CNTN4: variants seen among roughly 807,000 people sequenced by gnomAD.
CNTN4 encodes the protein contactin-4.
CNTN4 carries 77 observed loss-of-function variants against 122.5 expected under a neutral mutation model. That is an observed-to-expected ratio of 0.63 (90% CI 0.52 to 0.76). CNTN4 has a LOEUF of 0.76. Ranked by LOEUF, CNTN4 falls within the 30% of genes least tolerant of loss-of-function variation. CNTN4 has a pLI of 0.00. For missense variants in CNTN4, 1,256 were observed against 1,259.1 expected (o/e 1.00, Z 0.04); for synonymous variants, 512 against 447.0 (o/e 1.15, Z -1.83).
intron 4 of CNTN4, among the ~76,000 whole-genome samples, chr3:2,632,952 T>G (rs2082507750): frequency 6.7e-6 from 1 of 149,590 alleles, no homozygotes; most frequent in Admixed American, 6.7e-5. Flanking sequence ...AAATTACAAG[T>G]AATAGTATAT....
chr3:2,568,463 C>G (rs2079280061), intron 3 of CNTN4, among the ~76,000 whole-genome samples: 1 of 151,982 alleles, frequency 6.6e-6, no homozygotes, highest in Admixed American at 6.6e-5. Context: ...GGCAGGATCT[C>G]AAAATGAGTG....
At chr3:2,772,560 G>C (rs1462520021) in intron 6 of CNTN4, among the ~76,000 whole-genome samples, 2 of 152,132 alleles carry the variant, frequency 1.3e-5, no homozygotes, top group African/African-American at 4.8e-5. Flanking sequence ...GACATACCAA[G>C]TTGTGTGATT....
Position 2,385,413 on chromosome 3 carries a change from G to A in CNTN4, c.-89+46180G>A, listed in dbSNP as rs778339407. On this transcript the variant is annotated intron_variant, in intron 3 of 24. Transcript: ENST00000418658. The surrounding 1 kb of genome is among the most constrained non-coding windows in gnomAD (Gnocchi z 4.0). Reference sequence around the variant, plus strand: ...TGTCCTTTTCTCCACTATTACCTGAGCAATATTCCTGGTGTCTTGTTCATA... The same window carrying A: ...TGTCCTTTTCTCCACTATTACCTGAACAATATTCCTGGTGTCTTGTTCATA... Among the ~76,000 whole-genome samples, 33 of 151,984 alleles carry A rather than the reference G, an allele frequency of 2.2e-4. No individual in the cohort carries two copies. Among genetic ancestry groups the A allele is most frequent in the Non-Finnish European group, 3.5e-4 (24 of 68,016 alleles).
intron 7 of CNTN4, among the ~76,000 whole-genome samples, chr3:2,838,395 G>C (rs2093277526): frequency 6.6e-6 from 1 of 152,044 alleles, no homozygotes; most frequent in South Asian, 2.1e-4. Flanking sequence ...TTCACATATA[G>C]TCTACCACAT....
At chr3:2,987,799 G>T (rs2055318) in intron 13 of CNTN4, among the ~76,000 whole-genome samples, 1 of 151,936 alleles carries the variant, frequency 6.6e-6, no homozygotes, top group African/African-American at 2.4e-5. Context: ...CCAAAGTCAC[G>T]CTGAGTCGTG....
At chr3:2,287,773 AAGAAGG>A (rs879483619) in intron 2 of CNTN4, among the ~76,000 whole-genome samples, 2 of 147,872 alleles carry the variant, frequency 1.4e-5, no homozygotes, top group Non-Finnish European at 3.0e-5. Context: ...GAAGAAGAAG[AAGAAGG>A]AGAAGAAGAG....
At chr3:2,897,532 C>CA (rs1351835503) in intron 10 of CNTN4, among the ~76,000 whole-genome samples, 5 of 151,720 alleles carry the variant, frequency 3.3e-5, no homozygotes, top group Non-Finnish European at 7.4e-5. Context: ...GGTTGAGTAT[C>CA]TCTTACCTGA....
intron 4 of CNTN4, among the ~76,000 whole-genome samples, chr3:2,731,369 A>G (rs148038998): frequency 7.2e-5 from 11 of 152,276 alleles, no homozygotes; most frequent in Non-Finnish European, 1.6e-4. Context: ...AACTTTGCAG[A>G]ACACTGGTAG....
In CNTN4 at chr3:2,121,355, C is replaced by T. The variant is rs183661164; in HGVS notation, c.-145+20716C>T. Among the ~76,000 whole-genome samples the T allele has an allele frequency of 3.2e-4, 49 of 152,020 alleles. 1 individual carries two copies. The highest frequency in any genetic ancestry group is 1.2e-3 in the Admixed American group (18 of 15,274). On this transcript the variant is annotated intron_variant, in intron 2 of 24. Transcript: ENST00000418658. ...TCTACTAAAAATAGAAAAATTAGCC[C>T]GATGTGGTGGCACGTGCCTGTAAAC...
At chr3:3,029,862 A>G (rs1412154962) in intron 15 of CNTN4, among the ~76,000 whole-genome samples, 4 of 152,222 alleles carry the variant, frequency 2.6e-5, no homozygotes, top group Non-Finnish European at 5.9e-5. Context: ...TGCCTGTCAT[A>G]TAGTAAATAC....
chr3:2,170,096 A>C (rs13098682), intron 2 of CNTN4, among the ~76,000 whole-genome samples: 49,026 of 150,172 alleles, frequency 0.33, 9,564 homozygotes, highest in Non-Finnish European at 0.47. Flanking sequence ...CCGAGGCGGG[A>C]GGATCACAAG....
intron 3 of CNTN4, among the ~76,000 whole-genome samples, chr3:2,444,082 A>G (rs1337209091): frequency 6.6e-6 from 1 of 151,998 alleles, no homozygotes; most frequent in Non-Finnish European, 1.5e-5. Flanking sequence ...AATTTTGTAT[A>G]TATTTACATG....
At chr3:2,184,944 A>T (rs2037179991) in intron 2 of CNTN4, among the ~76,000 whole-genome samples, 2 of 152,304 alleles carry the variant, frequency 1.3e-5, no homozygotes, top group African/African-American at 4.8e-5. Context: ...TTTGTGAAGG[A>T]TGTGGCTTTT....
At chr3:2,592,064 A>G (rs2080521667) in intron 4 of CNTN4, among the ~76,000 whole-genome samples, 1 of 151,838 alleles carries the variant, frequency 6.6e-6, no homozygotes, top group South Asian at 2.1e-4. Context: ...AATTTTTTGT[A>G]CAGATGAGGT....
intron 2 of CNTN4, among the ~76,000 whole-genome samples, chr3:2,252,086 A>T (rs1405331510): frequency 6.6e-6 from 1 of 151,956 alleles, no homozygotes; most frequent in Non-Finnish European, 1.5e-5. Context: ...CTACATTCAC[A>T]TTTATAGGAA....
At chr3:2,739,920 T>C (rs541270317) in intron 5 of CNTN4, among the ~76,000 whole-genome samples, 142 of 152,348 alleles carry the variant, frequency 9.3e-4, no homozygotes, top group Admixed American at 1.6e-3. Flanking sequence ...AGAACGTTAC[T>C]TTCCTTCTAA....
chr3:3,017,342 C>A (rs899749782), intron 14 of CNTN4, among the ~76,000 whole-genome samples: 1 of 152,124 alleles, frequency 6.6e-6, no homozygotes, highest in Non-Finnish European at 1.5e-5. Flanking sequence ...TAAAAGAGAT[C>A]AAATGTGTAA....
intron 3 of CNTN4, among the ~76,000 whole-genome samples, chr3:2,540,636 A>T (rs930096486): frequency 1.3e-5 from 2 of 152,128 alleles, no homozygotes; most frequent in African/African-American, 4.8e-5. Flanking sequence ...TACACAATAT[A>T]CAGAAGTATA....
chr3:2,382,518 C>A (rs1012276245), intron 3 of CNTN4, among the ~76,000 whole-genome samples: 1 of 152,074 alleles, frequency 6.6e-6, no homozygotes, highest in African/African-American at 2.4e-5. Context: ...TAGCCTAAAT[C>A]TGTAATCAGT....
Sources: gnomAD v4.1 joint callset for allele counts (sites outside exome capture counted in the v4.1 genomes callset) on GRCh38, gnomAD v4.1.1 for gene constraint, Gnocchi (gnomAD v3.1) non-coding constraint, MANE v1.5 for transcripts, NCBI Gene and HGNC (gene_info 2026-07-23, HGNC 2026-07-21) for gene names.